MAGI2: variants seen among roughly 807,000 people sequenced by gnomAD.
MAGI2 encodes the protein membrane associated guanylate kinase, WW and PDZ domain containing 2.
A neutral mutation model predicts 133.3 loss-of-function variants in MAGI2; 35 were observed. The observed-to-expected ratio is 0.26, with a 90% CI of 0.20 to 0.35. The LOEUF (loss-of-function observed/expected upper bound fraction) is 0.35, where lower values mean the gene tolerates loss of function less well. Among genes scored for constraint, MAGI2 ranks in the 10% least tolerant of loss-of-function variants. The probability of loss-of-function intolerance (pLI) is 1.00; values close to 1 mark genes in which losing one functional copy is unlikely to be tolerated. For synonymous variants in MAGI2, 729 were observed against 710.6 expected, an observed-to-expected ratio of 1.03 and a Z score of -0.41; for missense variants, 1,636 against 1,863.4, an observed-to-expected ratio of 0.88 and a Z score of 2.25.
At chr7:78,729,625 C>T (rs1429402737) in intron 2 of MAGI2, among the ~76,000 whole-genome samples, 1 of 152,182 alleles carries the variant, frequency 6.6e-6, no homozygotes, top group African/African-American at 2.4e-5. Flanking sequence ...CAATGGCCCT[C>T]ATCCACATGG....
intron 1 of MAGI2, among the ~76,000 whole-genome samples, chr7:79,390,584 G>A (rs750964551): frequency 2.0e-5 from 3 of 152,114 alleles, no homozygotes; most frequent in Non-Finnish European, 4.4e-5. Flanking sequence ...GGAAAAGGTA[G>A]AGTGTTGAGT....
intron 21 of MAGI2, among the ~76,000 whole-genome samples, chr7:78,053,882 C>G (rs1279638229): frequency 6.6e-6 from 1 of 152,082 alleles, no homozygotes; most frequent in Admixed American, 6.5e-5. Flanking sequence ...GTTCAGCAGT[C>G]CAAACTGAAC....
intron 6 of MAGI2, among the ~76,000 whole-genome samples, chr7:78,426,467 G>T (rs1326606575): frequency 1.3e-5 from 2 of 152,034 alleles, no homozygotes; most frequent in Non-Finnish European, 2.9e-5. Context: ...GGGGTGGGGG[G>T]AGCGCGGAGG....
At chr7:78,389,699 C>T (rs889613884) in intron 6 of MAGI2, among the ~76,000 whole-genome samples, 1 of 113,304 alleles carries the variant, frequency 8.8e-6, no homozygotes, top group South Asian at 2.8e-4. Context: ...TTGCTGTTTG[C>T]CCCGCATTTC....
At chr7:79,408,371 T>C (rs925782128) in intron 1 of MAGI2, among the ~76,000 whole-genome samples, 2 of 152,020 alleles carry the variant, frequency 1.3e-5, no homozygotes, top group African/African-American at 2.4e-5. Context: ...GAAACTAATA[T>C]TGAACAGAAA....
At chr7:78,029,515 A>G (rs1351953448) in intron 21 of MAGI2, among the ~76,000 whole-genome samples, 2 of 152,232 alleles carry the variant, frequency 1.3e-5, no homozygotes, top group African/African-American at 4.8e-5. Context: ...CCAATATGTA[A>G]AACAGATAAA....
intron 9 of MAGI2, among the ~76,000 whole-genome samples, chr7:78,310,231 T>C (rs1183873450): frequency 2.0e-5 from 3 of 152,036 alleles, no homozygotes; most frequent in Non-Finnish European, 2.9e-5. Context: ...GGTCAAGAGA[T>C]CGAGATCATC....
chr7:78,522,528 C>T (rs8180875), intron 3 of MAGI2, among the ~76,000 whole-genome samples: 51,595 of 151,800 alleles, frequency 0.34, 9,309 homozygotes, highest in South Asian at 0.44. Context: ...TACAGGCGTG[C>T]GCCACCAGTT....
chr7:78,330,082 T>G (rs1210830120), intron 9 of MAGI2, among the ~76,000 whole-genome samples: 2 of 152,190 alleles, frequency 1.3e-5, no homozygotes, highest in Non-Finnish European at 2.9e-5. Context: ...TATTATAGCT[T>G]TAATTTATTG....
At chr7:78,205,254 C>T (rs1461872499) in intron 10 of MAGI2, among the ~76,000 whole-genome samples, 2 of 152,222 alleles carry the variant, frequency 1.3e-5, no homozygotes, top group African/African-American at 4.8e-5. Context: ...TCCTCAGCCT[C>T]CTGAGTAGCT....
intron 3 of MAGI2, among the ~76,000 whole-genome samples, chr7:78,604,680 T>C (rs1805610427): frequency 6.6e-6 from 1 of 152,176 alleles, no homozygotes; most frequent in African/African-American, 2.4e-5. Flanking sequence ...AGATGTTAAG[T>C]GCTAAGGAGA....
chr7:78,362,757 G>C (rs1792954778), intron 7 of MAGI2, among the ~76,000 whole-genome samples: 1 of 152,162 alleles, frequency 6.6e-6, no homozygotes, highest in South Asian at 2.1e-4. Flanking sequence ...CTATAAAGTG[G>C]AGTTTACTGA....
At chr7:79,442,026 G>C (rs1287881890) in intron 1 of MAGI2, among the ~76,000 whole-genome samples, 1 of 152,166 alleles carries the variant, frequency 6.6e-6, no homozygotes, top group Non-Finnish European at 1.5e-5. Context: ...TTATAATCCT[G>C]TGCATTGTAA....
chr7:78,330,582 C>T (rs1222948635), intron 9 of MAGI2, among the ~76,000 whole-genome samples: 1 of 30,178 alleles, frequency 3.3e-5, no homozygotes, highest in East Asian at 4.7e-4. Flanking sequence ...TGCGCCACTG[C>T]ACTCCAGCCT....
chr7:78,901,768 G>T (rs1238298962), intron 2 of MAGI2, among the ~76,000 whole-genome samples: 1 of 151,990 alleles, frequency 6.6e-6, no homozygotes, highest in Non-Finnish European at 1.5e-5. Flanking sequence ...TAAGGAAAAA[G>T]AATTCTTTTG....
intron 3 of MAGI2, among the ~76,000 whole-genome samples, chr7:78,598,783 T>C (rs776081023): frequency 5.3e-5 from 8 of 152,126 alleles, no homozygotes; most frequent in Non-Finnish European, 1.2e-4. Context: ...GATATAGTGT[T>C]AGGTTATTTG....
chr7:78,602,459 C>T (rs377176852), intron 3 of MAGI2, among the ~76,000 whole-genome samples: 3 of 152,114 alleles, frequency 2.0e-5, no homozygotes, highest in Non-Finnish European at 2.9e-5. Flanking sequence ...CATACCCGGC[C>T]GATTAAATAT....
chr7:78,065,460 C>G, intron 21 of MAGI2: 1 of 572,430 alleles, frequency 1.7e-6, no homozygotes, highest in East Asian at 2.8e-5. Context: ...TTCCAGAACT[C>G]TAGAAATAAT....
At chr7:78,359,825 T>C (rs1394721152) in intron 7 of MAGI2, among the ~76,000 whole-genome samples, 1 of 152,204 alleles carries the variant, frequency 6.6e-6, no homozygotes, top group East Asian at 1.9e-4. Flanking sequence ...CTTGTTAACA[T>C]AAAGTGGCAG....
Sources: gnomAD v4.1 joint callset for allele counts (sites outside exome capture counted in the v4.1 genomes callset) on GRCh38, gnomAD v4.1.1 for gene constraint, MANE v1.5 for transcripts, NCBI Gene and HGNC (gene_info 2026-07-23, HGNC 2026-07-21) for gene names.